The following PLCE1 variants were observed in gnomAD, a reference collection of about 807,000 sequenced individuals.
PLCE1 encodes phospholipase C epsilon 1, also known as 1-phosphatidylinositol 4,5-bisphosphate phosphodiesterase epsilon-1.
Under a neutral mutation model 242.8 loss-of-function variants are expected in PLCE1, and 119 were observed. The observed-to-expected ratio is 0.49, with a 90% CI of 0.42 to 0.57. The LOEUF is 0.57. PLCE1 is among the 20% of genes least tolerant of loss of function. The probability of loss-of-function intolerance (pLI) is 0.00; values close to 1 mark genes in which losing one functional copy is unlikely to be tolerated. For missense variants in PLCE1, 2,441 were observed against 2,788.8 expected (o/e 0.88, Z 2.81); for synonymous variants, 945 against 1,017.4 (o/e 0.93, Z 1.35).
intron 2 of PLCE1, among the ~76,000 whole-genome samples, chr10:94,075,664 T>C (rs2044478623): frequency 6.6e-6 from 1 of 152,260 alleles, no homozygotes; most frequent in Non-Finnish European, 1.5e-5. Flanking sequence ...GAAATATGTA[T>C]GTCATGAGAC....
intron 2 of PLCE1, among the ~76,000 whole-genome samples, chr10:94,101,195 C>T (rs1401216846): frequency 1.3e-5 from 2 of 152,144 alleles, no homozygotes; most frequent in African/African-American, 2.4e-5. Context: ...GCCTCACCTG[C>T]GCACCTCACC....
Position 94,316,768 on chromosome 10 carries a change from T to C in PLCE1, c.6342+12T>C, listed in dbSNP as rs756271676. ...AAACCCAGCAGGAAGTAAGTGTGTC[T>C]GGGTGCAGCCTACACAGTAACGACT... is the stretch of plus-strand genomic sequence containing the variant. On this transcript the variant is annotated intron_variant, in intron 29 of 32. Transcript: ENST00000371380. The C allele has an allele frequency of 2.5e-6, 4 of 1,586,380 alleles. No individual in the cohort carries two copies. In the South Asian group the frequency reaches 4.4e-5, roughly 18 times the overall value.
intron 2 of PLCE1, among the ~76,000 whole-genome samples, chr10:94,123,998 AAGAG>A (rs2046369980): frequency 6.6e-6 from 1 of 152,208 alleles, no homozygotes; most frequent in Non-Finnish European, 1.5e-5. Context: ...GAATAGTAAT[AAGAG>A]AGAGGGAACA....
At chr10:94,252,818 C>T (rs2050927373) in intron 9 of PLCE1, among the ~76,000 whole-genome samples, 1 of 152,080 alleles carries the variant, frequency 6.6e-6, no homozygotes, top group Non-Finnish European at 1.5e-5. Context: ...ACAGAGGGCT[C>T]CACAGAGCAA....
At chr10:94,183,016 G>A (rs1461058937) in intron 4 of PLCE1, among the ~76,000 whole-genome samples, 1 of 152,146 alleles carries the variant, frequency 6.6e-6, no homozygotes, top group African/African-American at 2.4e-5. Flanking sequence ...CAAGGCCTTT[G>A]CCATCAGATC....
At chr10:94,040,296 T>C (rs2134623069) in intron 2 of PLCE1, among the ~76,000 whole-genome samples, 1 of 152,302 alleles carries the variant, frequency 6.6e-6, no homozygotes, top group East Asian at 1.9e-4. Flanking sequence ...CTCCAGATTC[T>C]CCCAAACTCC....
intron 4 of PLCE1, among the ~76,000 whole-genome samples, chr10:94,185,256 T>G (rs2048437535): frequency 6.6e-6 from 1 of 152,228 alleles, no homozygotes; most frequent in Non-Finnish European, 1.5e-5. Context: ...ACCAGCATTT[T>G]AAGAGGCTGA....
At chr10:94,182,432 A>ATT (rs569973730) in intron 4 of PLCE1, among the ~76,000 whole-genome samples, 1 of 138,188 alleles carries the variant, frequency 7.2e-6, no homozygotes, top group African/African-American at 2.6e-5. Flanking sequence ...CCCTTGGATA[A>ATT]TTTTTTTTTT....
intron 2 of PLCE1, among the ~76,000 whole-genome samples, chr10:94,097,116 C>A (rs2135441553): frequency 6.6e-6 from 1 of 152,298 alleles, no homozygotes. Flanking sequence ...ATGGGTAGAC[C>A]AAGTTCATGT....
At chr10:94,161,283 A>G (rs1378811644) in intron 3 of PLCE1, among the ~76,000 whole-genome samples, 1 of 152,110 alleles carries the variant, frequency 6.6e-6, no homozygotes, top group African/African-American at 2.4e-5. Context: ...GATTCTTCCT[A>G]TCCATGAGTA....
At chr10:94,126,993 T>C (rs1486328282) in intron 2 of PLCE1, among the ~76,000 whole-genome samples, 1 of 152,218 alleles carries the variant, frequency 6.6e-6, no homozygotes, top group Non-Finnish European at 1.5e-5. Context: ...AATCTGGGTT[T>C]CTATCCTGGC....
chr10:94,014,943 G>A (rs2061250773), intron 1 of PLCE1, among the ~76,000 whole-genome samples: 1 of 152,192 alleles, frequency 6.6e-6, no homozygotes, highest in East Asian at 1.9e-4. Context: ...AGCCTCATGG[G>A]AAGACAAAGT....
intron 3 of PLCE1, among the ~76,000 whole-genome samples, chr10:94,153,872 TAA>T (rs1160067103): frequency 2.6e-5 from 4 of 152,184 alleles, no homozygotes; most frequent in Admixed American, 6.6e-5. Context: ...AAGAAATTGT[TAA>T]AGACCTAAAC....
intron 2 of PLCE1, among the ~76,000 whole-genome samples, chr10:94,109,361 A>G (rs1030757558): frequency 6.6e-6 from 1 of 152,206 alleles, no homozygotes; most frequent in African/African-American, 2.4e-5. Context: ...CTAAATAAAT[A>G]CCTGAGATAA....
intron 22 of PLCE1, among the ~76,000 whole-genome samples, chr10:94,292,486 G>C (rs2052675918): frequency 6.6e-6 from 1 of 152,204 alleles, no homozygotes; most frequent in South Asian, 2.1e-4. Flanking sequence ...AAGCATTTCA[G>C]ATAAGGGATA....
intron 3 of PLCE1, among the ~76,000 whole-genome samples, chr10:94,165,330 C>T (rs570035118): frequency 1.2e-4 from 19 of 152,312 alleles, no homozygotes; most frequent in South Asian, 4.1e-4. Flanking sequence ...TCAGCAATGG[C>T]GGGCGCCCCT....
chr10:94,324,072 G>C (rs2053922704), intron 30 of PLCE1, among the ~76,000 whole-genome samples: 2 of 152,244 alleles, frequency 1.3e-5, no homozygotes, highest in Non-Finnish European at 1.5e-5. Flanking sequence ...ATATATCCTG[G>C]AATCTACTTA....
rs1164332910 is a variant in PLCE1, at chr10:93,994,116, C to T, written c.-507C>T. On this transcript the variant is annotated 5_prime_UTR_variant, in exon 1 of 33. Coordinates refer to ENST00000371380, the MANE Select transcript of PLCE1 (RefSeq NM_016341.4). ...CTGCCTCTCGGGCACTTGCCTGGCT[C>T]CTGCGCGTTCCTGGGCATCGGCTCT... Among the ~76,000 whole-genome samples the T allele has an allele frequency of 6.6e-6, 1 of 152,034 alleles. No individual in the cohort carries two copies. Among genetic ancestry groups the T allele is most frequent in the Non-Finnish European group, 1.5e-5 (1 of 67,992 alleles).
chr10:94,207,089 C>T (rs1230320192), intron 4 of PLCE1, among the ~76,000 whole-genome samples: 1 of 152,142 alleles, frequency 6.6e-6, no homozygotes, highest in Non-Finnish European at 1.5e-5. Context: ...TTACAAAGAA[C>T]AAGCAGCTTT....
Sources: allele counts gnomAD v4.1 joint callset (sites outside exome capture counted in the v4.1 genomes callset), GRCh38; gene constraint gnomAD v4.1.1; transcripts MANE v1.5; gene names NCBI Gene and HGNC (gene_info 2026-07-23, HGNC 2026-07-21).